Variants in ERG observed in about 807,000 individuals in gnomAD.
ERG encodes transcriptional regulator ERG.
A neutral mutation model predicts 55.3 loss-of-function variants in ERG; 9 were observed. The ratio of observed to expected loss-of-function variants is 0.16; its 90% CI spans 0.10 to 0.28. ERG has a LOEUF of 0.28. Ranked by LOEUF, ERG falls within the 10% of genes least tolerant of loss-of-function variation. ERG has a pLI of 1.00. For synonymous variants in ERG, 223 were observed against 237.3 expected, an observed-to-expected ratio of 0.94 and a Z score of 0.55; for missense variants, 434 against 631.6, an observed-to-expected ratio of 0.69 and a Z score of 3.35.
At chr21:38,656,150 G>T (rs747213398) in intron 1 of ERG, among the ~76,000 whole-genome samples, 5 of 152,124 alleles carry the variant, frequency 3.3e-5, no homozygotes. Context: ...GTTCCAGGGA[G>T]GGCAGAGAGG....
At chr21:38,368,706 C>A in the ERG span, among the ~76,000 whole-genome samples, 4 of 152,124 alleles carry the variant, frequency 2.6e-5, no homozygotes, top group Non-Finnish European at 2.9e-5. Flanking sequence ...CAGACTATTT[C>A]ATCACTCAGG....
intron 2 of ERG, among the ~76,000 whole-genome samples, chr21:38,536,804 T>C (rs1014507316): frequency 1.3e-5 from 2 of 152,246 alleles, no homozygotes; most frequent in African/African-American, 2.4e-5. Context: ...TGAAATTTCT[T>C]TTTGCAAGTT....
At chr21:38,588,747 T>C (rs2060082153), upstream of ERG, among the ~76,000 whole-genome samples, 1 of 151,980 alleles carries the variant, frequency 6.6e-6, no homozygotes, top group African/African-American at 2.4e-5. Flanking sequence ...GATACAGGAT[T>C]CTCTCTGTCA....
chr21:38,611,639 C>T (rs988021401), intron 1 of ERG, among the ~76,000 whole-genome samples: 3 of 152,196 alleles, frequency 2.0e-5, no homozygotes, highest in African/African-American at 7.2e-5. Flanking sequence ...TCCTAACCCC[C>T]AACACTCTCC....
At chr21:38,639,663 A>T (rs1273105870) in intron 1 of ERG, among the ~76,000 whole-genome samples, 1 of 152,218 alleles carries the variant, frequency 6.6e-6, no homozygotes, top group Admixed American at 6.5e-5. Context: ...AAAGAGAAAA[A>T]CCTAAAACAT....
At chr21:38,513,876 G>A (rs1005565552) in intron 2 of ERG, among the ~76,000 whole-genome samples, 1 of 152,074 alleles carries the variant, frequency 6.6e-6, no homozygotes, top group African/African-American at 2.4e-5. Flanking sequence ...TTAGTTATGT[G>A]TAAGTCACTG....
At position 38,584,184 on chromosome 21, in the gene ERG, C is replaced by T. The variant is rs536730852; in HGVS notation, c.-127+660G>A. Among the ~76,000 whole-genome samples, 53 of 152,288 alleles carry T rather than the reference C, an allele frequency of 3.5e-4. 1 individual carries two copies. In the South Asian group the frequency reaches 4.1e-3, roughly 12 times the overall value. On this transcript the variant is annotated intron_variant, in intron 1 of 8. Coordinates refer to the ERG transcript ENST00000398897. ...GCAAGGGAGGGACTCATACATTCTG[C>T]GGCCTGCATGAGTGTCATGTGAGCA...
intron 1 of ERG, among the ~76,000 whole-genome samples, chr21:38,485,038 C>A (rs1000369827): frequency 6.6e-6 from 1 of 151,864 alleles, no homozygotes; most frequent in African/African-American, 2.4e-5. Context: ...TGTAAAACAG[C>A]CTCAGGCAGG....
intron 1 of ERG, among the ~76,000 whole-genome samples, chr21:38,635,949 G>A (rs905029457): frequency 3.9e-5 from 6 of 152,118 alleles, no homozygotes; most frequent in Non-Finnish European, 7.4e-5. Context: ...AAGATGATAT[G>A]GTTTGGCTGT....
At chr21:38,623,036 C>A (rs1388098498) in intron 1 of ERG, among the ~76,000 whole-genome samples, 1 of 142,370 alleles carries the variant, frequency 7.0e-6, no homozygotes, top group Admixed American at 7.1e-5. Context: ...ACACCACATA[C>A]ACACAAGACC....
At chr21:38,516,444 A>C (rs1175111557) in intron 2 of ERG, among the ~76,000 whole-genome samples, 1 of 151,960 alleles carries the variant, frequency 6.6e-6, no homozygotes, top group Non-Finnish European at 1.5e-5. Context: ...ACTACAAAAC[A>C]CTAATGAAAG....
intron 2 of ERG, among the ~76,000 whole-genome samples, chr21:38,509,776 T>C (rs973446001): frequency 3.3e-5 from 5 of 152,114 alleles, no homozygotes; most frequent in Non-Finnish European, 7.4e-5. Flanking sequence ...GGGTGGTAAA[T>C]GAGAAGCAGA....
chr21:38,497,165 G>A (rs1204074659), intron 1 of ERG, among the ~76,000 whole-genome samples: 1 of 152,158 alleles, frequency 6.6e-6, no homozygotes, highest in Non-Finnish European at 1.5e-5. Context: ...AATAAAAGCT[G>A]AACTTCTCAA....
At chr21:38,390,936 C>T in intron 9 of ERG, 59 bp downstream of exon 9, 1 of 1,406,026 alleles carries the variant, frequency 7.1e-7, no homozygotes, top group African/African-American at 1.4e-5. Context: ...ATTTACTTTT[C>T]AAAATAACCA....
At chr21:38,661,022 G>A (rs1337608925) in intron 1 of ERG, among the ~76,000 whole-genome samples, 2 of 151,954 alleles carry the variant, frequency 1.3e-5, no homozygotes, top group Non-Finnish European at 2.9e-5. Context: ...GGAGGAGGCG[G>A]AGGAGGAGGA....
Position 38,382,461 on chromosome 21 carries a change from GACAA to G in ERG, c.*938_*941del, listed in dbSNP as rs1001731411. The G allele has an allele frequency of 7.0e-5, 74 of 1,063,074 alleles. No homozygotes were observed. Among genetic ancestry groups the G allele is most frequent in the African/African-American group, 8.2e-5 (5 of 61,014 alleles). 65.9% of individuals were successfully genotyped at this position (1,063,074 alleles called of 1,614,324 possible). Reference sequence around the variant, plus strand: ...ACAATTCCAGTTAAAATTTTCATTTGACAAACAAAGAAAGAGATGCGCATTTTTG... The same window carrying G: ...ACAATTCCAGTTAAAATTTTCATTTGACAAAGAAAGAGATGCGCATTTTTG... On this transcript the variant is annotated 3_prime_UTR_variant, in exon 10 of 10. Transcript: ENST00000288319.
chr21:38,638,338 G>A (rs2060403150), intron 1 of ERG, among the ~76,000 whole-genome samples: 1 of 152,184 alleles, frequency 6.6e-6, no homozygotes, highest in Non-Finnish European at 1.5e-5. Context: ...GCTTCATCAT[G>A]ATCATCTTAT....
the ERG span, among the ~76,000 whole-genome samples, chr21:38,371,042 T>A: frequency 6.6e-6 from 1 of 152,084 alleles, no homozygotes; most frequent in Non-Finnish European, 1.5e-5. Flanking sequence ...ATTAAATCCA[T>A]GTACATGATC....
chr21:38,383,997 G>A lies in ERG; in HGVS notation c.920-74C>T, dbSNP rs2146413328. ...GGGGAAAGAGGCTCTCTGTGATGAC[G>A]GAAGGAGGTGCTATTGGTGTGCCGC... On this transcript the variant is annotated intron_variant, in intron 9 of 9. Transcript: ENST00000288319. The surrounding 1 kb of genome is among the most constrained non-coding windows in gnomAD (Gnocchi z 5.7). The A allele has an allele frequency of 6.5e-7, 1 of 1,527,308 alleles. No individual in the cohort carries two copies. Among genetic ancestry groups the A allele is most frequent in the Non-Finnish European group, 8.8e-7 (1 of 1,142,502 alleles). The allele number at this position is 1,527,308 out of a possible 1,614,324, so 94.6% of individuals were successfully genotyped here.
Sources: gnomAD v4.1 joint callset for allele counts (sites outside exome capture counted in the v4.1 genomes callset) on GRCh38, gnomAD v4.1.1 for gene constraint, Gnocchi (gnomAD v3.1) non-coding constraint, MANE v1.5 for transcripts, NCBI Gene and HGNC (gene_info 2026-07-23, HGNC 2026-07-21) for gene names.